The following RANBP17 variants were observed in gnomAD, a reference collection of about 807,000 sequenced individuals.
The protein encoded by RANBP17 is ran-binding protein 17.
A neutral mutation model predicts 141.2 loss-of-function variants in RANBP17; 158 were observed. That is an observed-to-expected ratio of 1.12 (90% CI 0.98 to 1.28). RANBP17 has a LOEUF of 1.28. RANBP17 is among the 50% of genes most tolerant of loss of function. RANBP17 has a pLI of 0.00. For missense variants in RANBP17, 1,438 were observed against 1,290.7 expected (o/e 1.11, Z -1.75); for synonymous variants, 430 against 450.0 (o/e 0.96, Z 0.56).
At chr5:171,005,292 C>G (rs1309900142) in intron 14 of RANBP17, among the ~76,000 whole-genome samples, 1 of 152,108 alleles carries the variant, frequency 6.6e-6, no homozygotes, top group Non-Finnish European at 1.5e-5. Flanking sequence ...CCAAGTCAAT[C>G]CTAAGCCAAA....
chr5:170,950,781 C>T (rs1775149915), intron 12 of RANBP17, among the ~76,000 whole-genome samples: 1 of 152,088 alleles, frequency 6.6e-6, no homozygotes, highest in Non-Finnish European at 1.5e-5. Flanking sequence ...CCTGTACTTC[C>T]ATGTTTATTG....
chr5:170,903,797 T>C, intron 5 of RANBP17: 1 of 379,252 alleles, frequency 2.6e-6, no homozygotes, highest in Admixed American at 3.3e-5. Context: ...AAAAGCAGAA[T>C]AAGCCCTTTG....
At chr5:171,045,469 G>A (rs893788329) in intron 14 of RANBP17, among the ~76,000 whole-genome samples, 6 of 152,018 alleles carry the variant, frequency 3.9e-5, no homozygotes, top group Non-Finnish European at 7.4e-5. Flanking sequence ...TGAAAAACTC[G>A]ATCCTCATTC....
intron 24 of RANBP17, among the ~76,000 whole-genome samples, chr5:171,263,320 A>T (rs2128017473): frequency 6.6e-6 from 1 of 152,238 alleles, no homozygotes; most frequent in East Asian, 1.9e-4. Flanking sequence ...ACTAATCATA[A>T]ACTCCCAGGG....
chr5:171,191,084 TA>T (rs910280349), intron 18 of RANBP17, among the ~76,000 whole-genome samples: 7 of 152,186 alleles, frequency 4.6e-5, no homozygotes, highest in African/African-American at 1.7e-4. Flanking sequence ...GTTCTATCTT[TA>T]GGGGTGAGGG....
chr5:171,022,946 G>T (rs1165937111), intron 14 of RANBP17, among the ~76,000 whole-genome samples: 2 of 152,200 alleles, frequency 1.3e-5, no homozygotes, highest in African/African-American at 2.4e-5. Flanking sequence ...TCCATGGGTT[G>T]CACAGTTCTG....
chr5:171,203,717 C>G (rs28493458), intron 19 of RANBP17, among the ~76,000 whole-genome samples: 1 of 152,026 alleles, frequency 6.6e-6, no homozygotes, highest in African/African-American at 2.4e-5. Context: ...CGAGGATAGT[C>G]TAAAATATTT....
intron 14 of RANBP17, among the ~76,000 whole-genome samples, chr5:171,131,177 AGAG>A (rs1224104295): frequency 6.6e-6 from 1 of 152,230 alleles, no homozygotes; most frequent in African/African-American, 2.4e-5. Flanking sequence ...TATAAGGATT[AGAG>A]GAGATTACCT....
chr5:171,161,327 C>T (rs141769824), intron 14 of RANBP17: 178 of 182,070 alleles, frequency 9.8e-4, no homozygotes, highest in Non-Finnish European at 8.8e-4. Flanking sequence ...GCCACTTTCT[C>T]CTTTTATTTG....
intron 9 of RANBP17, 105 bp downstream of exon 9, chr5:170,916,689 T>G: frequency 1.4e-6 from 1 of 724,130 alleles, no homozygotes; most frequent in Non-Finnish European, 2.1e-6. Flanking sequence ...GAAGAAAACA[T>G]TTAGTATCAT....
chr5:171,081,459 G>C (rs1249676905), intron 14 of RANBP17, among the ~76,000 whole-genome samples: 1 of 152,136 alleles, frequency 6.6e-6, no homozygotes, highest in Non-Finnish European at 1.5e-5. Context: ...CTAATGCCAA[G>C]TGTTGAAATA....
chr5:171,116,631 A>G (rs2127766935), intron 14 of RANBP17, among the ~76,000 whole-genome samples: 1 of 152,354 alleles, frequency 6.6e-6, no homozygotes, highest in East Asian at 1.9e-4. Flanking sequence ...GATCAGGATT[A>G]TTAGCATATC....
rs1349629466 is a variant in RANBP17 at position 171,244,961 on chromosome 5, T to C, written c.2776+2141T>C. 2.0e-5 allele frequency among the ~76,000 whole-genome samples: 3 copies of C among 152,014 alleles called. No individual in the cohort carries two copies. In the East Asian group the frequency reaches 5.9e-4, roughly 30 times the overall value. ...TAACACAGTGAAACCCCGTCTGTAC[T>C]AAAAATACAAAAACAAAATTAGCCG... On this transcript the variant is annotated intron_variant, in intron 24 of 27. Transcript: ENST00000523189.
At chr5:171,055,868 G>A (rs1428902808) in intron 14 of RANBP17, among the ~76,000 whole-genome samples, 1 of 110,158 alleles carries the variant, frequency 9.1e-6, no homozygotes, top group Non-Finnish European at 1.7e-5. Context: ...TTCTCCAGTT[G>A]TGTCCTGTTG....
At chr5:171,127,124 C>T (rs1344530813) in intron 14 of RANBP17, among the ~76,000 whole-genome samples, 1 of 152,058 alleles carries the variant, frequency 6.6e-6, no homozygotes, top group African/African-American at 2.4e-5. Flanking sequence ...AGATAATAGA[C>T]CATAATCAAG....
At chr5:171,291,194 T>C (rs1308446830) in intron 25 of RANBP17, among the ~76,000 whole-genome samples, 1 of 152,146 alleles carries the variant, frequency 6.6e-6, no homozygotes, top group African/African-American at 2.4e-5. Context: ...TGGGGCATGC[T>C]TTTCCTAAGT....
intron 25 of RANBP17, among the ~76,000 whole-genome samples, chr5:171,278,065 A>C (rs962153215): frequency 1.4e-5 from 2 of 143,848 alleles, no homozygotes; most frequent in African/African-American, 2.6e-5. Context: ...GGCACTTAAC[A>C]GATGCTGGTT....
chr5:170,965,369 G>A (rs959132411), intron 13 of RANBP17, among the ~76,000 whole-genome samples: 137 of 151,780 alleles, frequency 9.0e-4, no homozygotes, highest in Middle Eastern at 3.4e-3. Flanking sequence ...TCTGATGGTG[G>A]TTTCTTTTGC....
chr5:171,277,637 G>GTGTGTGTATATA (rs1437482589), intron 25 of RANBP17, among the ~76,000 whole-genome samples: 19 of 56,904 alleles, frequency 3.3e-4, no homozygotes, highest in African/African-American at 1.0e-3. Flanking sequence ...ATATATGTAT[G>GTGTGTGTATATA]TATATATATA....
Sources: gnomAD v4.1 joint callset for allele counts (sites outside exome capture counted in the v4.1 genomes callset) on GRCh38, gnomAD v4.1.1 for gene constraint, MANE v1.5 for transcripts, NCBI Gene and HGNC (gene_info 2026-07-23, HGNC 2026-07-21) for gene names.